Variants in RB1 observed in about 807,000 individuals in gnomAD.
The protein encoded by RB1 is RB transcriptional corepressor 1.
Under a neutral mutation model 135.4 loss-of-function variants are expected in RB1, and 18 were observed. The observed-to-expected ratio is 0.13, with a 90% CI of 0.09 to 0.20. The LOEUF is 0.20. RB1 is among the 10% of genes least tolerant of loss of function. The probability of loss-of-function intolerance (pLI) is 1.00; values close to 1 mark genes in which losing one functional copy is unlikely to be tolerated. For synonymous variants in RB1, 365 were observed against 373.2 expected (o/e 0.98, Z 0.25); for missense variants, 868 against 1,110.0 (o/e 0.78, Z 3.10).
chr13:48,401,092 A>G (rs1948687808), intron 17 of RB1, among the ~76,000 whole-genome samples: 1 of 152,130 alleles, frequency 6.6e-6, no homozygotes. Context: ...TCATGTCAGT[A>G]ATTACCCTGA....
intron 23 of RB1, among the ~76,000 whole-genome samples, chr13:48,472,743 A>G (rs1218419927): frequency 6.6e-6 from 1 of 152,156 alleles, no homozygotes; most frequent in Non-Finnish European, 1.5e-5. Flanking sequence ...ATGGCCACTT[A>G]TCAAGGAATT....
rs535576919 is a variant in RB1, at chr13:48,373,475, C to G, written c.1198C>G (p.Leu400Val). The change falls in exon 12 of 27, where the codon CTG (leucine) becomes GTG (valine). Residue 400 changes from leucine (L) to valine (V), a missense_variant. By Grantham distance (32) the Leu-to-Val change is conservative. Transcript: ENST00000267163. ...NSASDQPSENLISYFNNCTVN... is the reference protein window; with the variant it reads ...NSASDQPSENVISYFNNCTVN... ...AGCAAGTGATCAACCTTCAGAAAATCTGATTTCCTATTTTAACGTAAGCCA... is the reference window on the plus strand; with the variant it reads ...AGCAAGTGATCAACCTTCAGAAAATGTGATTTCCTATTTTAACGTAAGCCA... 7 of 1,578,726 alleles carry G rather than the reference C, an allele frequency of 4.4e-6. No homozygotes were observed. In the African/African-American group the frequency reaches 8.1e-5, roughly 18 times the overall value.
At chr13:48,473,474 A>G (rs1949485178) in intron 24 of RB1, 84 bp downstream of exon 24, 2 of 1,229,776 alleles carry the variant, frequency 1.6e-6, no homozygotes, top group Admixed American at 3.5e-5. Context: ...TGAATTTCCA[A>G]ATGCAGTTAT....
chr13:48,328,090 G>T, intron 2 of RB1: 1 of 860,870 alleles, frequency 1.2e-6, no homozygotes, highest in Non-Finnish European at 2.0e-6. Context: ...TAATTGTCTT[G>T]GTCATAGACA....
chr13:48,316,699 T>C (rs1952185769), intron 2 of RB1, among the ~76,000 whole-genome samples: 1 of 144,516 alleles, frequency 6.9e-6, no homozygotes, highest in African/African-American at 2.6e-5. Context: ...CTGTTTCTCC[T>C]CCCTGCAACC....
At chr13:48,392,093 C>T (rs969985302) in intron 17 of RB1, among the ~76,000 whole-genome samples, 1 of 151,882 alleles carries the variant, frequency 6.6e-6, no homozygotes, top group East Asian at 1.9e-4. Flanking sequence ...GCTCCACTGT[C>T]TTCTGGTTTG....
rs539664643 is a variant in RB1 at position 48,315,905 on chromosome 13, CTTT to C, written c.264+8500_264+8502del. Among the ~76,000 whole-genome samples the C allele has an allele frequency of 2.1e-3, 322 of 152,316 alleles. 2 individuals are homozygous for C. The highest frequency in any genetic ancestry group is 7.4e-3 in the African/African-American group (307 of 41,570). ...TCGAATGGTTGATCTGCTTCTAGTT[CTTT>C]GAGAAATCCTCACACTGTTTTCCAT... On this transcript the variant is annotated intron_variant, in intron 2 of 26. Coordinates refer to ENST00000267163, the MANE Select transcript of RB1 (RefSeq NM_000321.3).
rs1313846053 is a variant in RB1, at chr13:48,318,898, G to A, written c.264+11492G>A. The A allele has an allele frequency of 6.1e-6, 7 of 1,147,814 alleles. No homozygotes were observed. In the Admixed American group the frequency reaches 8.5e-5, roughly 14 times the overall value. The allele number at this position is 1,147,814 out of a possible 1,614,324, so 71.1% of individuals were successfully genotyped here. A position where few individuals can be genotyped will look rare whatever the true frequency, so the allele number is the denominator to read the frequency against. On this transcript the variant is annotated intron_variant, in intron 2 of 26. Transcript: ENST00000267163. ...GGATTTCCTGATCGATGCTGTCGTC[G>A]CTGTCCACGGAGCTACTGTCGCCGT...
chr13:48,435,572 A>G (rs1270066938), intron 17 of RB1, among the ~76,000 whole-genome samples: 1 of 152,192 alleles, frequency 6.6e-6, no homozygotes, highest in Non-Finnish European at 1.5e-5. Context: ...TTTAATTTTC[A>G]TAAAGTCCAG....
At chr13:48,347,894 T>C (rs1299852382) in intron 5 of RB1, 31 bp downstream of exon 5, 2 of 1,531,406 alleles carry the variant, frequency 1.3e-6, no homozygotes, top group Admixed American at 3.4e-5. Flanking sequence ...TATTTTTCAC[T>C]TAAAAAAAAA....
intron 17 of RB1, among the ~76,000 whole-genome samples, chr13:48,409,150 C>CTT (rs1282281494): frequency 2.4e-4 from 32 of 131,008 alleles, no homozygotes; most frequent in African/African-American, 4.7e-4. Flanking sequence ...TTTCTTTTCT[C>CTT]TTTTTTTTTT....
chr13:48,475,675 G>A (rs922031778), intron 24 of RB1, among the ~76,000 whole-genome samples: 2 of 152,182 alleles, frequency 1.3e-5, no homozygotes, highest in African/African-American at 2.4e-5. Flanking sequence ...GCCCACACAC[G>A]AGGGGAGGAG....
intron 17 of RB1, among the ~76,000 whole-genome samples, chr13:48,383,260 A>G (rs1258402703): frequency 6.6e-6 from 1 of 152,096 alleles, no homozygotes; most frequent in Non-Finnish European, 1.5e-5. Context: ...GGTTCAATCA[A>G]TATAGGGGCA....
chr13:48,307,792 G>A (rs1399571948), intron 2 of RB1, among the ~76,000 whole-genome samples: 1 of 151,298 alleles, frequency 6.6e-6, no homozygotes, highest in African/African-American at 2.4e-5. Context: ...GAACCCAGGA[G>A]GTGGAGGTTA....
rs781691254 is a variant in RB1, at chr13:48,456,277, A to G, written c.1888A>G (p.Thr630Ala). Reference sequence around the variant, plus strand: ...TGTAAATTCTACTGCAAATGCAGAGACACAAGCAACCTCAGCCTTCCAGAC... The same window carrying G: ...TGTAAATTCTACTGCAAATGCAGAGGCACAAGCAACCTCAGCCTTCCAGAC... Reference protein sequence around the residue: ...TRVNSTANAETQATSAFQTQK... With the variant: ...TRVNSTANAEAQATSAFQTQK... Residue 630 changes from threonine to alanine, a missense_variant, in exon 19 of 27, where the codon ACA becomes GCA. Coordinates refer to ENST00000267163, the MANE Select transcript of RB1 (RefSeq NM_000321.3). 2.2e-5 allele frequency: 35 copies of G among 1,614,232 alleles called. No individual in the cohort carries two copies. In the South Asian group the frequency reaches 2.9e-4, roughly 13 times the overall value.
rs745450635 is a variant in RB1 at position 48,323,695 on chromosome 13, A to G, written c.264+16289A>G. On this transcript the variant is annotated intron_variant, in intron 2 of 26. Transcript: ENST00000267163. ...GCTTGTTCTTTAAGGCTTTGACTTC[A>G]TAAAAGTTTTCACTCTTGGCCAATA... Among the ~76,000 whole-genome samples, 49 of 152,074 alleles carry G rather than the reference A, an allele frequency of 3.2e-4. 1 individual carries two copies. The highest frequency in any genetic ancestry group is 1.8e-4 in the Non-Finnish European group (12 of 67,924).
At chr13:48,452,843 A>C (rs1949336273) in intron 17 of RB1, 150 bp from the exon 18 acceptor site, 9 of 1,194,202 alleles carry the variant, frequency 7.5e-6, no homozygotes, top group South Asian at 1.5e-5. Flanking sequence ...TTCGAAGTAG[A>C]GAAAAATATT....
chr13:48,452,405 C>A (rs1361826144), intron 17 of RB1, among the ~76,000 whole-genome samples: 2 of 151,902 alleles, frequency 1.3e-5, no homozygotes, highest in Non-Finnish European at 2.9e-5. Context: ...TATTTTATTT[C>A]TTTTTTATTG....
chr13:48,365,673 A>G (rs1002419634), intron 9 of RB1, among the ~76,000 whole-genome samples: 1 of 152,200 alleles, frequency 6.6e-6, no homozygotes, highest in Non-Finnish European at 1.5e-5. Flanking sequence ...AAATAGCTAG[A>G]CTGCTAGTTC....
Sources: allele counts gnomAD v4.1 joint callset (sites outside exome capture counted in the v4.1 genomes callset), GRCh38; gene constraint gnomAD v4.1.1; transcripts MANE v1.5; gene names NCBI Gene and HGNC (gene_info 2026-07-23, HGNC 2026-07-21).